PKHD1: variants seen among roughly 807,000 people sequenced by gnomAD.
The protein encoded by PKHD1 is fibrocystin.
A neutral mutation model predicts 412.0 loss-of-function variants in PKHD1; 291 were observed. The observed-to-expected ratio is 0.71, with a 90% CI of 0.64 to 0.78. PKHD1 has a LOEUF of 0.78. Ranked by LOEUF, PKHD1 falls within the 30% of genes least tolerant of loss-of-function variation. PKHD1 has a pLI of 0.00. For missense variants in PKHD1, 4,825 were observed against 4,950.7 expected (o/e 0.97, Z 0.76); for synonymous variants, 1,777 against 1,821.5 (o/e 0.98, Z 0.62).
At position 51,912,592 on chromosome 6, in the gene PKHD1, G is replaced by C; in HGVS notation, c.6122-16C>G. ...GGTAGTGAACCTAAAGCAGCCCGAGGAAAAGTTGTCCAGATAATTTAATCA... is the reference window on the plus strand; with the variant it reads ...GGTAGTGAACCTAAAGCAGCCCGAGCAAAAGTTGTCCAGATAATTTAATCA... On this transcript the variant is annotated splice_polypyrimidine_tract_variant and intron_variant, in intron 37 of 66. Transcript: ENST00000371117. The C allele has an allele frequency of 6.4e-7, 1 of 1,552,916 alleles. No homozygotes were observed. Among genetic ancestry groups the C allele is most frequent in the Non-Finnish European group, 8.9e-7 (1 of 1,124,646 alleles).
chr6:51,888,478 A>T (rs1408094523), intron 43 of PKHD1, among the ~76,000 whole-genome samples: 1 of 151,968 alleles, frequency 6.6e-6, no homozygotes, highest in Non-Finnish European at 1.5e-5. Flanking sequence ...TGGCCTACCC[A>T]ATGTTCATAT....
At position 51,615,444 on chromosome 6, in the gene PKHD1, T is replaced by C. The variant is rs1765986554; in HGVS notation, c.*3637A>G. The C allele has an allele frequency of 1.3e-5, 2 of 152,214 alleles. No individual in the cohort carries two copies. Among genetic ancestry groups the C allele is most frequent in the Non-Finnish European group, 2.9e-5 (2 of 68,028 alleles). 9.4% of individuals were successfully genotyped at this position (152,214 alleles called of 1,614,324 possible). A position where few individuals can be genotyped will look rare whatever the true frequency, so the allele number is the denominator to read the frequency against. On this transcript the variant is annotated 3_prime_UTR_variant, in exon 67 of 67. Transcript: ENST00000371117. ...TGTAATTAGTCAAAGTGCTATAGTG[T>C]ATGTTGAAATCAACAGTTCTATACT... is the stretch of plus-strand genomic sequence containing the variant.
rs866825799 is a variant in PKHD1 at position 51,727,618 on chromosome 6, G to C, written c.10156+16767C>G. On this transcript the variant is annotated intron_variant, in intron 60 of 66. Transcript: ENST00000371117. The stretch of plus-strand genomic sequence containing the variant: ...CATATGCAGTGCCCTCCTTACCCTT[G>C]GGAGGTGAGCATGCACAGTGTGTTA... 7.2e-5 allele frequency among the ~76,000 whole-genome samples: 11 copies of C among 152,270 alleles called. No individual in the cohort carries two copies. In the South Asian group the frequency reaches 1.7e-3, roughly 23 times the overall value.
chr6:51,862,706 A>G (rs1774392764), intron 48 of PKHD1, among the ~76,000 whole-genome samples: 1 of 152,210 alleles, frequency 6.6e-6, no homozygotes, highest in African/African-American at 2.4e-5. Flanking sequence ...AGCAAGATCT[A>G]AGAATCAAGG....
chr6:51,900,546 T>C (rs1781069561), intron 43 of PKHD1, among the ~76,000 whole-genome samples: 1 of 152,224 alleles, frequency 6.6e-6, no homozygotes, highest in African/African-American at 2.4e-5. Context: ...ACTTAAATGA[T>C]AGACCTAAAA....
intron 48 of PKHD1, among the ~76,000 whole-genome samples, chr6:51,866,282 A>G (rs1715080211): frequency 6.6e-6 from 1 of 152,180 alleles, no homozygotes; most frequent in Non-Finnish European, 1.5e-5. Context: ...ATCAGCCTAG[A>G]TGACTGAGGA....
chr6:51,754,092 A>T (rs915905898), intron 56 of PKHD1, among the ~76,000 whole-genome samples: 6 of 152,318 alleles, frequency 3.9e-5, no homozygotes, highest in South Asian at 2.1e-4. Flanking sequence ...ACAAAAAGAC[A>T]TTCTCCATCC....
intron 19 of PKHD1, 74 bp downstream of exon 19, chr6:52,055,513 T>C (rs1284837343): frequency 4.9e-5 from 76 of 1,538,234 alleles, no homozygotes; most frequent in Non-Finnish European, 6.8e-5. Context: ...TGCTTCTGAG[T>C]TTTCAGTCTT....
At chr6:51,781,635 T>C (rs1792025148) in intron 53 of PKHD1, among the ~76,000 whole-genome samples, 1 of 152,104 alleles carries the variant, frequency 6.6e-6, no homozygotes, top group Non-Finnish European at 1.5e-5. Context: ...TAGTCCATGC[T>C]AATAGTATAT....
At chr6:52,007,237 C>G (rs141977312) in intron 35 of PKHD1, among the ~76,000 whole-genome samples, 49 of 152,300 alleles carry the variant, frequency 3.2e-4, no homozygotes, top group African/African-American at 1.1e-3. Context: ...AAATGGTAGT[C>G]TACTTTTAGT....
chr6:51,923,093 A>T (rs760182896), intron 37 of PKHD1, among the ~76,000 whole-genome samples: 4 of 152,166 alleles, frequency 2.6e-5, no homozygotes, highest in Non-Finnish European at 4.4e-5. Flanking sequence ...CGTTTTGCCA[A>T]ATTTTTAAGG....
At position 52,017,532 on chromosome 6, in the gene PKHD1, C is replaced by A; in HGVS notation, c.5478G>T (p.Ala1826=). 6.2e-7 allele frequency: 1 copy of A among 1,614,036 alleles called. No individual in the cohort carries two copies. Among genetic ancestry groups the A allele is most frequent in the Non-Finnish European group, 8.5e-7 (1 of 1,179,890 alleles). Residue 1826 remains alanine, a synonymous_variant, in exon 34 of 67, where the codon GCG becomes GCT. Coordinates refer to ENST00000371117, the MANE Select transcript of PKHD1 (RefSeq NM_138694.4). ...GCCACGATTCAAGCAGTTGCTCTGT[C>A]GCCATGGCAACTGTCAAATCACACT... ...YVQCDLTVAM[A]TEQLLESWPY... is the part of the protein sequence containing the mutation.
chr6:52,024,908 A>C lies in PKHD1; in HGVS notation c.4902T>G (p.Val1634=). 6.2e-7 allele frequency: 1 copy of C among 1,614,218 alleles called. No individual in the cohort carries two copies. Among genetic ancestry groups the C allele is most frequent in the Non-Finnish European group, 8.5e-7 (1 of 1,180,040 alleles). The stretch of plus-strand genomic sequence containing the variant: ...GTCCATCTACCTCTATTTCCAGGGC[A>C]ACAGAGCCATTCCCTGTGGGAACAA... The part of the protein sequence containing the change: ...RCIVPTGNGS[V]ALEIEVDGLW... Residue 1634 remains valine (V), a synonymous_variant, in exon 32 of 67, where the codon GTT becomes GTG. Transcript: ENST00000371117.
chr6:51,738,007 C>A (rs762070362), intron 60 of PKHD1, among the ~76,000 whole-genome samples: 2 of 152,152 alleles, frequency 1.3e-5, no homozygotes, highest in Non-Finnish European at 2.9e-5. Context: ...ATAAGCCCCA[C>A]GTTTACTTAT....
At chr6:51,963,737 T>G (rs1305940097) in intron 35 of PKHD1, among the ~76,000 whole-genome samples, 3 of 151,790 alleles carry the variant, frequency 2.0e-5, no homozygotes, top group African/African-American at 7.3e-5. Context: ...AAAAAAAAAA[T>G]GCCAACAGCA....
chr6:51,690,299 A>AAAAAAAAAAG (rs1210088032), intron 60 of PKHD1, among the ~76,000 whole-genome samples: 2 of 139,384 alleles, frequency 1.4e-5, no homozygotes, highest in Non-Finnish European at 1.6e-5. Context: ...AAAAAAAAAA[A>AAAAAAAAAAG]GAACTAGGGA....
At chr6:51,753,449 C>G (rs2151013055) in intron 56 of PKHD1, 96 bp from the exon 57 acceptor site, 1 of 976,498 alleles carries the variant, frequency 1.0e-6, no homozygotes, top group East Asian at 2.5e-5. Context: ...TGAAAACATC[C>G]TTTCCCCTCA....
intron 29 of PKHD1, among the ~76,000 whole-genome samples, chr6:52,030,348 T>C: frequency 6.6e-6 from 1 of 152,186 alleles, no homozygotes; most frequent in East Asian, 1.9e-4. Flanking sequence ...ATGTGGTTTG[T>C]TAGATATCCT....
chr6:52,059,127 C>T (rs1021589731), intron 15 of PKHD1, among the ~76,000 whole-genome samples: 8 of 152,154 alleles, frequency 5.3e-5, no homozygotes, highest in Non-Finnish European at 1.5e-5. Flanking sequence ...CAGCTGCCTA[C>T]ATCTCCACCC....
Sources: gnomAD v4.1 joint callset for allele counts (sites outside exome capture counted in the v4.1 genomes callset) on GRCh38, gnomAD v4.1.1 for gene constraint, MANE v1.5 for transcripts, NCBI Gene and HGNC (gene_info 2026-07-23, HGNC 2026-07-21) for gene names.